EREG: variants seen among roughly 807,000 people sequenced by gnomAD.
EREG encodes epiregulin, also known as proepiregulin.
Under a neutral mutation model 22.4 loss-of-function variants are expected in EREG, and 23 were observed. The observed-to-expected ratio is 1.03, with a 90% CI of 0.74 to 1.46. EREG has a LOEUF of 1.46. Among genes scored for constraint, EREG ranks in the 40% most tolerant of loss-of-function variants. EREG has a pLI of 0.00. For synonymous variants in EREG, 100 were observed against 75.4 expected (o/e 1.33, Z -1.69); for missense variants, 226 against 205.9 (o/e 1.10, Z -0.60).
intron 1 of EREG, among the ~76,000 whole-genome samples, chr4:74,378,745 T>G (rs1578820870): frequency 6.6e-6 from 1 of 152,348 alleles, no homozygotes; most frequent in South Asian, 2.1e-4. Flanking sequence ...CAGAAAGTAC[T>G]TGAGTCATTC....
Position 74,388,003 on chromosome 4 carries a change from G to C in EREG, c.*3195G>C, listed in dbSNP as rs186648714. On this transcript the variant is annotated 3_prime_UTR_variant, in exon 5 of 5. Transcript: ENST00000244869. ...TATTTTTTGCTCTAATCTCTCTGCC[G>C]AAAGTCAAAGTGATGGGAGAATTGG... 6.6e-6 allele frequency: 1 copy of C among 152,102 alleles called. No individual in the cohort carries two copies. The highest frequency in any genetic ancestry group is 1.5e-5 in the Non-Finnish European group (1 of 68,026). The allele number at this position is 152,102 out of a possible 1,614,324, so 9.4% of individuals were successfully genotyped here. A position where few individuals can be genotyped will look rare whatever the true frequency, so the allele number is the denominator to read the frequency against.
chr4:74,383,552 A>T (rs1211041685), intron 4 of EREG, among the ~76,000 whole-genome samples: 1 of 152,142 alleles, frequency 6.6e-6, no homozygotes, highest in Non-Finnish European at 1.5e-5. Flanking sequence ...ATAGTTTGGC[A>T]TTTTTTTAAG....
At chr4:74,381,639 C>G (rs982803672) in intron 3 of EREG, 4 of 152,104 alleles carry the variant, frequency 2.6e-5, no homozygotes, top group African/African-American at 9.7e-5. Context: ...TGTCTCTCTG[C>G]TTTGGATCTT....
intron 4 of EREG, among the ~76,000 whole-genome samples, chr4:74,384,068 G>T (rs1291871477): frequency 1.3e-5 from 2 of 151,944 alleles, no homozygotes; most frequent in East Asian, 3.9e-4. Context: ...AAAATATTAG[G>T]AAAATAGCTT....
intron 1 of EREG, among the ~76,000 whole-genome samples, chr4:74,370,424 A>T (rs1010025784): frequency 6.6e-6 from 1 of 152,206 alleles, no homozygotes; most frequent in Non-Finnish European, 1.5e-5. Flanking sequence ...GCTGCACTTT[A>T]AAAATGTATT....
intron 1 of EREG, among the ~76,000 whole-genome samples, chr4:74,375,755 T>G (rs557407860): frequency 6.6e-6 from 1 of 152,322 alleles, no homozygotes; most frequent in Non-Finnish European, 1.5e-5. Context: ...AGACGCATAT[T>G]GCAGGAACAT....
chr4:74,375,797 G>A (rs1462025908), intron 1 of EREG, among the ~76,000 whole-genome samples: 2 of 152,186 alleles, frequency 1.3e-5, no homozygotes, highest in African/African-American at 2.4e-5. Context: ...CAATAGTGCT[G>A]TGCAGATGGA....
chr4:74,365,400 G>T, intron 1 of EREG, 25 bp downstream of exon 1: 1 of 1,609,848 alleles, frequency 6.2e-7, no homozygotes, highest in South Asian at 1.1e-5. Flanking sequence ...TCTGGCTTCC[G>T]GCCGCCCCAA....
chr4:74,383,833 T>C (rs1254992384), intron 4 of EREG, among the ~76,000 whole-genome samples: 1 of 152,174 alleles, frequency 6.6e-6, no homozygotes, highest in African/African-American at 2.4e-5. Context: ...TAAATATTAT[T>C]AAAACTGAAA....
At position 74,370,844 on chromosome 4, in the gene EREG, G is replaced by A. The variant is rs141771744; in HGVS notation, c.67+5469G>A. On this transcript the variant is annotated intron_variant, in intron 1 of 4. Transcript: ENST00000244869. ...TCATTCCTTGTTCTCTGTTTTCAGA[G>A]ATAAGGCAGCTCAGTTGCAGGGAAA... 5.0e-3 allele frequency among the ~76,000 whole-genome samples: 754 copies of A among 152,290 alleles called. 7 individuals are homozygous for A. The highest frequency in any genetic ancestry group is 8.9e-3 in the Admixed American group (136 of 15,294).
chr4:74,377,926 G>A (rs558158255), intron 1 of EREG, among the ~76,000 whole-genome samples: 8 of 152,338 alleles, frequency 5.3e-5, no homozygotes, highest in Middle Eastern at 3.4e-3. Flanking sequence ...TGCAATTCCA[G>A]ATGAGATGTG....
rs572902314 is a variant in EREG, at chr4:74,380,928, G to A, written c.155-86G>A. 50 of 1,402,424 alleles carry A rather than the reference G, an allele frequency of 3.6e-5. 2 individuals carry two copies. In the South Asian group the frequency reaches 6.8e-4, roughly 19 times the overall value. The allele number at this position is 1,402,424 out of a possible 1,614,324, so 86.9% of individuals were successfully genotyped here. A position where few individuals can be genotyped will look rare whatever the true frequency, so the allele number is the denominator to read the frequency against. On this transcript the variant is annotated intron_variant, in intron 2 of 4. Coordinates refer to ENST00000244869, the MANE Select transcript of EREG (RefSeq NM_001432.3). ...TTGGCATCTGACTTGTTGTGTAGAA[G>A]TAGTTCAGTGGTTACTGTTATGAAA...
chr4:74,366,145 A>G (rs1030654118), intron 1 of EREG, among the ~76,000 whole-genome samples: 9 of 152,144 alleles, frequency 5.9e-5, no homozygotes, highest in Non-Finnish European at 1.0e-4. Context: ...GTTCAAGGGG[A>G]AAAATTTTCT....
intron 1 of EREG, among the ~76,000 whole-genome samples, chr4:74,376,283 AT>A (rs139207672): frequency 3.8e-4 from 58 of 152,190 alleles, no homozygotes; most frequent in African/African-American, 1.2e-3. Context: ...TCAAATGTGC[AT>A]TTTTTTCCCC....
At position 74,386,282 on chromosome 4, in the gene EREG, G is replaced by A. The variant is rs556001185; in HGVS notation, c.*1474G>A. ...TACGTTTATCCTGGCATGTGCTAGG[G>A]TAAACGAAGGCATAATAAGCCATGG... is the stretch of plus-strand genomic sequence containing the variant. On this transcript the variant is annotated 3_prime_UTR_variant, in exon 5 of 5. Coordinates refer to ENST00000244869, the MANE Select transcript of EREG (RefSeq NM_001432.3). 1.9e-5 allele frequency: 3 copies of A among 154,218 alleles called. No individual in the cohort carries two copies. In the South Asian group the frequency reaches 6.2e-4, roughly 32 times the overall value. 9.6% of individuals were successfully genotyped at this position (154,218 alleles called of 1,614,324 possible).
intron 1 of EREG, among the ~76,000 whole-genome samples, chr4:74,369,197 G>A (rs566373834): frequency 5.6e-4 from 85 of 152,102 alleles, no homozygotes; most frequent in South Asian, 5.4e-3. Flanking sequence ...TTTTTGTTAC[G>A]TGGGTGAATT....
chr4:74,380,954 G>T, intron 2 of EREG, 60 bp from the exon 3 acceptor site: 1 of 1,564,048 alleles, frequency 6.4e-7, no homozygotes, highest in Non-Finnish European at 8.7e-7. Context: ...TGTTATGAAA[G>T]AGTGAGAAAT....
At chr4:74,366,063 T>C (rs1286604534) in intron 1 of EREG, among the ~76,000 whole-genome samples, 1 of 152,182 alleles carries the variant, frequency 6.6e-6, no homozygotes, top group Non-Finnish European at 1.5e-5. Context: ...CTGCACTTGC[T>C]GCTAATTGCA....
chr4:74,382,609 G>T, intron 3 of EREG, 36 bp from the exon 4 acceptor site: 1 of 1,524,296 alleles, frequency 6.6e-7, no homozygotes, highest in South Asian at 1.3e-5. Context: ...TCCTTTTTAA[G>T]TAACTGATCT....
Sources: gnomAD v4.1 joint callset for allele counts (sites outside exome capture counted in the v4.1 genomes callset) on GRCh38, gnomAD v4.1.1 for gene constraint, MANE v1.5 for transcripts, NCBI Gene and HGNC (gene_info 2026-07-23, HGNC 2026-07-21) for gene names.